Variants in CPEB3 observed in about 807,000 individuals in gnomAD.
CPEB3 encodes cytoplasmic polyadenylation element-binding protein 3.
A neutral mutation model predicts 67.2 loss-of-function variants in CPEB3; 20 were observed. That is an observed-to-expected ratio of 0.30 (90% CI 0.21 to 0.43). The LOEUF is 0.43. CPEB3 is among the 20% of genes least tolerant of loss of function. The probability of loss-of-function intolerance (pLI) is 1.00; values close to 1 mark genes in which losing one functional copy is unlikely to be tolerated. For synonymous variants in CPEB3, 376 were observed against 393.1 expected (o/e 0.96, Z 0.51); for missense variants, 746 against 968.6 (o/e 0.77, Z 3.05).
chr10:92,286,096 C>T (rs943803441), intron 1 of CPEB3, among the ~76,000 whole-genome samples: 2 of 151,820 alleles, frequency 1.3e-5, no homozygotes, highest in Admixed American at 1.3e-4. Flanking sequence ...CCACCATGCC[C>T]GGCTAATTTT....
At chr10:92,084,593 T>A (rs1471320446) in intron 8 of CPEB3, among the ~76,000 whole-genome samples, 1 of 152,162 alleles carries the variant, frequency 6.6e-6, no homozygotes, top group Non-Finnish European at 1.5e-5. Flanking sequence ...TATTTACTTA[T>A]TTTTGAGACG....
Position 92,239,962 on chromosome 10 carries a change from A to C in CPEB3, c.389T>G (p.Val130Gly), listed in dbSNP as rs1264240980. Reference sequence around the variant, plus strand: ...GTTCTGGAAGAGCATGGTCCCGTTGACTGGGGTGATCCCCTGGAAGAAGCT... The same window carrying C: ...GTTCTGGAAGAGCATGGTCCCGTTGCCTGGGGTGATCCCCTGGAAGAAGCT... ...EDSFFQGITP[V>G]NGTMLFQNFP... Residue 130 changes from valine to glycine, a missense_variant, in exon 2 of 10, where the codon GTC (valine) becomes GGC (glycine). By Grantham distance (109) the Val-to-Gly change is moderately radical. Transcript: ENST00000265997. The surrounding 1 kb of genome is among the most constrained non-coding windows in gnomAD (Gnocchi z 6.0). 1 of 1,613,084 alleles carries C rather than the reference A, an allele frequency of 6.2e-7. No individual in the cohort carries two copies. The highest frequency in any genetic ancestry group is 8.5e-7 in the Non-Finnish European group (1 of 1,179,648).
chr10:92,275,412 G>C (rs1448026243), intron 1 of CPEB3, among the ~76,000 whole-genome samples: 2 of 152,038 alleles, frequency 1.3e-5, no homozygotes, highest in Non-Finnish European at 2.9e-5. Flanking sequence ...TTCATTACTG[G>C]CCTATACAGA....
At chr10:92,088,441 G>T (rs1432941875) in intron 8 of CPEB3, among the ~76,000 whole-genome samples, 2 of 151,970 alleles carry the variant, frequency 1.3e-5, no homozygotes, top group East Asian at 3.9e-4. Flanking sequence ...TGCCCAGGCT[G>T]GTCCAACCTG....
intron 1 of CPEB3, among the ~76,000 whole-genome samples, chr10:92,275,856 T>C (rs1245719273): frequency 6.7e-6 from 1 of 148,226 alleles, no homozygotes; most frequent in Non-Finnish European, 1.5e-5. Context: ...TTTTTTTTTT[T>C]TTTTTTTTTT....
At chr10:92,228,992 G>A (rs965552661) in intron 2 of CPEB3, among the ~76,000 whole-genome samples, 4 of 151,774 alleles carry the variant, frequency 2.6e-5, no homozygotes, top group Non-Finnish European at 4.4e-5. Context: ...GATTACAGAC[G>A]TGAGCCACCT....
chr10:92,053,544 CT>C (rs774865830), intron 9 of CPEB3, among the ~76,000 whole-genome samples: 129 of 108,056 alleles, frequency 1.2e-3, no homozygotes, highest in Middle Eastern at 5.5e-3. Flanking sequence ...TTTTCTTTTT[CT>C]TTTTTTTTTT....
intron 6 of CPEB3, among the ~76,000 whole-genome samples, chr10:92,128,789 A>G (rs758979738): frequency 1.3e-5 from 2 of 152,226 alleles, no homozygotes; most frequent in Admixed American, 1.3e-4. Flanking sequence ...CAAAATCACA[A>G]TAAGATACCA....
chr10:92,050,621 C>G lies in CPEB3; in HGVS notation c.*1591G>C, dbSNP rs574989691. The G allele has an allele frequency of 3.4e-4, 52 of 152,402 alleles. No homozygotes were observed. Among genetic ancestry groups the G allele is most frequent in the African/African-American group, 1.2e-3 (50 of 41,562 alleles). The allele number at this position is 152,402 out of a possible 1,614,324, so 9.4% of individuals were successfully genotyped here. On this transcript the variant is annotated 3_prime_UTR_variant, in exon 10 of 10. Transcript: ENST00000265997. Reference sequence around the variant, plus strand: ...TCTAGACCACGCTAGTGCTAGCAGGCCTTCATTCTACTCAAGCTTAACAGG... The same window carrying G: ...TCTAGACCACGCTAGTGCTAGCAGGGCTTCATTCTACTCAAGCTTAACAGG...
chr10:92,096,079 G>A (rs1172574872), intron 7 of CPEB3, among the ~76,000 whole-genome samples: 3 of 139,530 alleles, frequency 2.2e-5, no homozygotes, highest in South Asian at 2.3e-4. Flanking sequence ...GTTTCACCAC[G>A]TTGGCCAGGC....
At chr10:92,100,749 G>A (rs1206488675) in intron 7 of CPEB3, among the ~76,000 whole-genome samples, 5 of 151,980 alleles carry the variant, frequency 3.3e-5, no homozygotes, top group Non-Finnish European at 5.9e-5. Flanking sequence ...CCGCCACCAC[G>A]CCCAGCTAAT....
At chr10:92,279,016 G>A (rs1323571823) in intron 1 of CPEB3, among the ~76,000 whole-genome samples, 1 of 151,766 alleles carries the variant, frequency 6.6e-6, no homozygotes, top group Non-Finnish European at 1.5e-5. Context: ...TTTCCAATAT[G>A]GCTGCCTTTT....
rs533864640 is a variant in CPEB3 at position 92,217,341 on chromosome 10, G to A, written c.1005+22005C>T. On this transcript the variant is annotated intron_variant, in intron 2 of 9. Transcript: ENST00000265997. ...CACTAATGATATAAACCACTATGGT[G>A]GCATCTAAATTTAACATATTTAATT... Among the ~76,000 whole-genome samples the A allele has an allele frequency of 1.7e-4, 26 of 150,982 alleles. No homozygotes were observed. The South Asian group carries it at 3.5e-3, about 21-fold the overall frequency.
chr10:92,261,087 CA>C (rs1464925610), intron 1 of CPEB3, among the ~76,000 whole-genome samples: 1 of 151,112 alleles, frequency 6.6e-6, no homozygotes, highest in African/African-American at 2.4e-5. Context: ...CAGGGATCAT[CA>C]GGGGAAAAAA....
At chr10:92,271,075 C>G (rs1853288659) in intron 1 of CPEB3, among the ~76,000 whole-genome samples, 1 of 152,006 alleles carries the variant, frequency 6.6e-6, no homozygotes, top group South Asian at 2.1e-4. Context: ...CCCAGTCACT[C>G]AGGAGGCCGA....
chr10:92,153,895 T>C (rs1404964016), intron 4 of CPEB3, among the ~76,000 whole-genome samples: 1 of 151,188 alleles, frequency 6.6e-6, no homozygotes, highest in Non-Finnish European at 1.5e-5. Flanking sequence ...GCACAATATA[T>C]ATTAAATGTG....
chr10:92,278,513 G>C (rs1382417434), intron 1 of CPEB3, among the ~76,000 whole-genome samples: 2 of 151,344 alleles, frequency 1.3e-5, no homozygotes, highest in Non-Finnish European at 1.5e-5. Context: ...TTCATATCTG[G>C]ATTGTTCATT....
chr10:92,174,697 C>T (rs555620899), intron 4 of CPEB3, among the ~76,000 whole-genome samples: 1 of 152,118 alleles, frequency 6.6e-6, no homozygotes, highest in Non-Finnish European at 1.5e-5. Context: ...TGAGGGTAAA[C>T]AATCATCTTT....
intron 1 of CPEB3, among the ~76,000 whole-genome samples, chr10:92,280,461 C>G (rs1316176200): frequency 1.3e-5 from 2 of 150,066 alleles, no homozygotes; most frequent in Non-Finnish European, 3.0e-5. Context: ...CGACTCATGC[C>G]TATAATCCCA....
Sources: allele counts gnomAD v4.1 joint callset (sites outside exome capture counted in the v4.1 genomes callset), GRCh38; gene constraint gnomAD v4.1.1; non-coding constraint Gnocchi (gnomAD v3.1); transcripts MANE v1.5; gene names NCBI Gene and HGNC (gene_info 2026-07-23, HGNC 2026-07-21).